Variants in C16orf74 observed in about 807,000 individuals in gnomAD.
C16orf74 encodes calcimembrin.
C16orf74 carries 10 observed loss-of-function variants against 6.5 expected under a neutral mutation model. The ratio of observed to expected loss-of-function variants is 1.54; its 90% confidence interval spans 0.95 to 2.61. The LOEUF (loss-of-function observed/expected upper bound fraction) is 2.61. Ranked by LOEUF, C16orf74 falls within the 30% of genes most tolerant of loss-of-function variation. C16orf74 has a pLI of 0.00. For synonymous variants in C16orf74, 60 were observed against 42.5 expected, an observed-to-expected ratio of 1.41 and a Z score of -1.60; for missense variants, 141 against 105.9, an observed-to-expected ratio of 1.33 and a Z score of -1.45.
chr16:85,730,021 G>A (rs1410808424), intron 2 of C16orf74, among the ~76,000 whole-genome samples: 2 of 152,142 alleles, frequency 1.3e-5, no homozygotes, highest in Non-Finnish European at 2.9e-5. Context: ...CAGCCAAGTC[G>A]GGTGCCATCG....
chr16:85,712,358 A>C (rs1251467184), intron 2 of C16orf74, among the ~76,000 whole-genome samples: 1 of 152,218 alleles, frequency 6.6e-6, no homozygotes, highest in African/African-American at 2.4e-5. Flanking sequence ...GTTTTGGCAT[A>C]GTTTGTTATG....
intron 1 of C16orf74, among the ~76,000 whole-genome samples, chr16:85,736,774 C>T (rs2054249239): frequency 2.0e-5 from 3 of 152,176 alleles, no homozygotes; most frequent in African/African-American, 7.2e-5. Flanking sequence ...GATGAGCTGG[C>T]CGGGCACAGT....
At chr16:85,722,195 T>C (rs2054089836) in intron 2 of C16orf74, among the ~76,000 whole-genome samples, 1 of 152,002 alleles carries the variant, frequency 6.6e-6, no homozygotes, top group African/African-American at 2.4e-5. Flanking sequence ...GATAATAACC[T>C]GTATACTGCA....
At position 85,707,618 on chromosome 16, in the gene C16orf74, C is replaced by T; in HGVS notation, c.*390G>A. 1 of 207,746 alleles carries T rather than the reference C, an allele frequency of 4.8e-6. No homozygotes were observed. The highest frequency in any genetic ancestry group is 9.5e-6 in the Non-Finnish European group (1 of 104,916). 12.9% of individuals were successfully genotyped at this position (207,746 alleles called of 1,614,324 possible). On this transcript the variant is annotated 3_prime_UTR_variant, in exon 4 of 4. Transcript: ENST00000284245. The stretch of plus-strand genomic sequence containing the variant: ...AAACAACTTATAAAAAACAGCCACT[C>T]CACCTGCAAGAAGTTCTTGTTGGTG...
Position 85,738,067 on chromosome 16 carries a change from C to A in C16orf74, c.-18-2832G>T, listed in dbSNP as rs373993869. Among the ~76,000 whole-genome samples, 16 of 149,760 alleles carry A rather than the reference C, an allele frequency of 1.1e-4. No homozygotes were observed. In the East Asian group the frequency reaches 2.6e-3, roughly 24 times the overall value. ...GGCCCAGGGAAGCCAAAAGATTGGA[C>A]ACCCTGGCTATAAAACATTTTTAAA... On this transcript the variant is annotated intron_variant, in intron 1 of 3. Coordinates refer to ENST00000284245, the MANE Select transcript of C16orf74 (RefSeq NM_206967.3).
At chr16:85,746,344 G>A (rs1294473987) in intron 1 of C16orf74, among the ~76,000 whole-genome samples, 2 of 152,098 alleles carry the variant, frequency 1.3e-5, no homozygotes, top group African/African-American at 2.4e-5. Flanking sequence ...GGTGAGACTC[G>A]CCTCAAACAA....
intron 1 of C16orf74, chr16:85,741,507 C>G (rs1361429544): frequency 6.1e-6 from 1 of 163,878 alleles, no homozygotes; most frequent in Non-Finnish European, 1.5e-5. Context: ...CAGGCAGGTG[C>G]AGCATCGAGG....
chr16:85,727,992 A>G (rs1598794591), intron 2 of C16orf74, among the ~76,000 whole-genome samples: 1 of 141,862 alleles, frequency 7.0e-6, no homozygotes, highest in East Asian at 2.0e-4. Context: ...AAAAAAAATT[A>G]GCTGGGCGTG....
chr16:85,747,986 T>C (rs769092594), intron 1 of C16orf74, among the ~76,000 whole-genome samples: 5 of 150,320 alleles, frequency 3.3e-5, no homozygotes, highest in South Asian at 2.1e-4. Context: ...ACTCAGGAGG[T>C]TGAGGTAGAG....
At position 85,707,831 on chromosome 16, in the gene C16orf74, G is replaced by A. The variant is rs1028729365; in HGVS notation, c.*177C>T. The stretch of plus-strand genomic sequence containing the variant: ...AGCGGGGCCTGGGAAACACTGTTCT[G>A]GAAGTGGACAGGCTGGATTCCTCGC... On this transcript the variant is annotated 3_prime_UTR_variant, in exon 4 of 4. Coordinates refer to ENST00000284245, the MANE Select transcript of C16orf74 (RefSeq NM_206967.3). 2.0e-5 allele frequency: 12 copies of A among 606,894 alleles called. No individual in the cohort carries two copies. The highest frequency in any genetic ancestry group is 3.5e-5 in the Non-Finnish European group (12 of 342,568). The allele number at this position is 606,894 out of a possible 1,614,324, so 37.6% of individuals were successfully genotyped here.
In C16orf74 at chr16:85,748,164, A is replaced by G. The variant is rs1359544709; in HGVS notation, c.-19+2762T>C. ...TGTGTGTGTATATATATATATGTGTATATATATATATATACACATACATAC... is the reference window on the plus strand; with the variant it reads ...TGTGTGTGTATATATATATATGTGTGTATATATATATATACACATACATAC... On this transcript the variant is annotated intron_variant, in intron 1 of 3. Transcript: ENST00000284245. Among the ~76,000 whole-genome samples the G allele has an allele frequency of 6.5e-3, 352 of 54,262 alleles. 7 individuals are homozygous for G. Among genetic ancestry groups the G allele is most frequent in the African/African-American group, 0.017 (320 of 18,958 alleles). 35.6% of individuals were successfully genotyped at this position (54,262 alleles called of 152,430 possible).
At position 85,730,246 on chromosome 16, in the gene C16orf74, G is replaced by A. The variant is rs552022152; in HGVS notation, c.28+4944C>T. ...TTCAGCCCATGCCTCCCGTAACCAC[G>A]CCTCCAAAGGGAATAAGAACGGGTC... On this transcript the variant is annotated intron_variant, in intron 2 of 3. Transcript: ENST00000284245. Among the ~76,000 whole-genome samples, 13 of 152,220 alleles carry A rather than the reference G, an allele frequency of 8.5e-5. No individual in the cohort carries two copies. In the South Asian group the frequency reaches 2.1e-3, roughly 24 times the overall value.
chr16:85,729,268 C>A (rs1033857405), intron 2 of C16orf74, among the ~76,000 whole-genome samples: 2 of 152,204 alleles, frequency 1.3e-5, no homozygotes, highest in African/African-American at 4.8e-5. Context: ...CCTGTTGATG[C>A]CAGCACGTGC....
At chr16:85,735,055 T>G (rs1227010808) in intron 2 of C16orf74, 135 bp downstream of exon 2, 1 of 588,266 alleles carries the variant, frequency 1.7e-6, no homozygotes, top group East Asian at 3.5e-5. Flanking sequence ...GCACCTGCTG[T>G]GTACAGGACT....
chr16:85,727,479 C>A (rs1004813142), intron 2 of C16orf74, among the ~76,000 whole-genome samples: 1 of 152,116 alleles, frequency 6.6e-6, no homozygotes, highest in Non-Finnish European at 1.5e-5. Flanking sequence ...AGAAAAAATA[C>A]ATGGGGGAAA....
chr16:85,720,888 T>C (rs373565287), intron 2 of C16orf74, among the ~76,000 whole-genome samples: 3 of 151,030 alleles, frequency 2.0e-5, no homozygotes, highest in African/African-American at 7.3e-5. Context: ...AGGAGTTCGA[T>C]ACCAGCCTGG....
chr16:85,732,258 G>A (rs905984718), intron 2 of C16orf74, among the ~76,000 whole-genome samples: 4 of 152,220 alleles, frequency 2.6e-5, no homozygotes, highest in African/African-American at 4.8e-5. Context: ...AGAACTGTGA[G>A]AGAATAAATT....
intron 2 of C16orf74, among the ~76,000 whole-genome samples, chr16:85,731,626 A>T (rs561911745): frequency 6.6e-6 from 1 of 152,078 alleles, no homozygotes; most frequent in South Asian, 2.1e-4. Flanking sequence ...GCTCCAAAAG[A>T]TACACCTAAC....
intron 2 of C16orf74, among the ~76,000 whole-genome samples, chr16:85,717,030 T>G (rs1246032067): frequency 6.6e-6 from 1 of 152,194 alleles, no homozygotes. Flanking sequence ...GGATGGAGCC[T>G]GTGCAGGAAG....
Sources: allele counts gnomAD v4.1 joint callset (sites outside exome capture counted in the v4.1 genomes callset), GRCh38; gene constraint gnomAD v4.1.1; transcripts MANE v1.5; gene names NCBI Gene and HGNC (gene_info 2026-07-23, HGNC 2026-07-21).